Variants in SHB observed in about 807,000 individuals in gnomAD.
The protein encoded by SHB is SH2 domain containing adaptor protein B.
SHB carries 20 observed loss-of-function variants against 52.3 expected under a neutral mutation model. The ratio of observed to expected loss-of-function variants is 0.38; its 90% CI spans 0.27 to 0.56. The LOEUF is 0.56. Among genes scored for constraint, SHB ranks in the 20% least tolerant of loss-of-function variants. The pLI is 0.71. For synonymous variants in SHB, 397 were observed against 316.5 expected (o/e 1.25, Z -2.70); for missense variants, 825 against 723.3 (o/e 1.14, Z -1.61).
intron 4 of SHB, among the ~76,000 whole-genome samples, chr9:37,952,476 CAGG>C (rs917054127): frequency 1.2e-4 from 19 of 152,188 alleles, no homozygotes; most frequent in African/African-American, 3.1e-4. Flanking sequence ...TTCTTGTGCC[CAGG>C]AGGAGAAGTT....
intron 1 of SHB, among the ~76,000 whole-genome samples, chr9:38,033,564 T>C (rs192000790): frequency 1.3e-5 from 2 of 152,300 alleles, no homozygotes; most frequent in Admixed American, 1.3e-4. Flanking sequence ...AGTTGACCAA[T>C]CATTTCGGAA....
chr9:37,952,620 C>A (rs1348603674), intron 4 of SHB, among the ~76,000 whole-genome samples: 1 of 152,130 alleles, frequency 6.6e-6, no homozygotes, highest in Non-Finnish European at 1.5e-5. Flanking sequence ...GTAGTTCACA[C>A]GGCAGGTGGC....
rs149661125 is a variant in SHB at position 37,978,281 on chromosome 9, G to A, written c.839-3444C>T. 1.9e-3 allele frequency among the ~76,000 whole-genome samples: 289 copies of A among 152,316 alleles called. 1 individual carries two copies. The highest frequency in any genetic ancestry group is 6.7e-3 in the African/African-American group (277 of 41,566). ...CTCTCATGCAGGATTTATTGTTCCA[G>A]AAGCATCTGCACCTTACCAAAGCTG... On this transcript the variant is annotated intron_variant, in intron 2 of 5. Coordinates refer to ENST00000377707, the MANE Select transcript of SHB (RefSeq NM_003028.3).
intron 4 of SHB, among the ~76,000 whole-genome samples, chr9:37,954,390 G>C (rs940572389): frequency 3.6e-4 from 55 of 152,150 alleles, no homozygotes; most frequent in African/African-American, 1.3e-3. Flanking sequence ...GAAGGCTCAC[G>C]AACCATGTGT....
chr9:38,019,076 C>G (rs1402764636), intron 1 of SHB, among the ~76,000 whole-genome samples: 1 of 152,222 alleles, frequency 6.6e-6, no homozygotes, highest in Non-Finnish European at 1.5e-5. Context: ...AGAAGCTTTC[C>G]TTTTAGTCTC....
At chr9:38,048,448 G>A (rs767035377) in intron 1 of SHB, among the ~76,000 whole-genome samples, 4 of 152,148 alleles carry the variant, frequency 2.6e-5, no homozygotes, top group Non-Finnish European at 5.9e-5. Context: ...AGCCTGGGCA[G>A]CACAGTGAGA....
intron 2 of SHB, among the ~76,000 whole-genome samples, chr9:38,001,057 C>T (rs1821007306): frequency 6.6e-6 from 1 of 152,164 alleles, no homozygotes; most frequent in Non-Finnish European, 1.5e-5. Flanking sequence ...GCTTTTTGCT[C>T]TTCCTTTTTT....
At chr9:37,987,088 C>T (rs2118003521) in intron 2 of SHB, among the ~76,000 whole-genome samples, 1 of 152,370 alleles carries the variant, frequency 6.6e-6, no homozygotes, top group Non-Finnish European at 1.5e-5. Flanking sequence ...AGTGGCTTCA[C>T]CTGCAGCTCT....
At chr9:38,002,519 T>A (rs1821028022) in intron 2 of SHB, among the ~76,000 whole-genome samples, 1 of 152,024 alleles carries the variant, frequency 6.6e-6, no homozygotes, top group Admixed American at 6.5e-5. Context: ...TAAGAAGGCA[T>A]CCTAGTGACT....
At chr9:37,996,645 G>A (rs1399941244) in intron 2 of SHB, among the ~76,000 whole-genome samples, 1 of 152,188 alleles carries the variant, frequency 6.6e-6, no homozygotes, top group East Asian at 1.9e-4. Flanking sequence ...CAAGGTTGGA[G>A]CCTGCTGGTC....
chr9:37,951,939 T>C (rs1046891548), intron 4 of SHB, among the ~76,000 whole-genome samples: 1 of 152,186 alleles, frequency 6.6e-6, no homozygotes, highest in African/African-American at 2.4e-5. Flanking sequence ...CACGTAGGCC[T>C]TGCTTCACCT....
rs1303143237 is a variant in SHB, at chr9:37,919,499, T to G, written c.*322A>C. 6.5e-6 allele frequency: 1 copy of G among 154,154 alleles called. No homozygotes were observed. The highest frequency in any genetic ancestry group is 2.8e-5 in the African/African-American group (1 of 36,048). 9.5% of individuals were successfully genotyped at this position (154,154 alleles called of 1,614,324 possible). A position where few individuals can be genotyped will look rare whatever the true frequency, so the allele number is the denominator to read the frequency against. On this transcript the variant is annotated 3_prime_UTR_variant, in exon 6 of 6. Coordinates refer to ENST00000377707, the MANE Select transcript of SHB (RefSeq NM_003028.3). ...CAGCCAGGGAGCTCCCGCCCCACCC[T>G]ACCCCGCCCCTCGGAGCTGGTCTGC...
rs1381221241 is a variant in SHB, at chr9:38,068,161, T to G, written c.485A>C (p.Tyr162Ser). 9 of 1,442,330 alleles carry G rather than the reference T, an allele frequency of 6.2e-6. No individual in the cohort carries two copies. In the East Asian group the frequency reaches 2.6e-4, roughly 42 times the overall value. 89.3% of individuals were successfully genotyped at this position (1,442,330 alleles called of 1,614,324 possible). Residue 162 changes from tyrosine to serine, a missense_variant, in exon 1 of 6, where the codon TAC becomes TCC. Transcript: ENST00000377707. ...SSSSSGSPHL[Y>S]RSSSERRPAT... Reference sequence around the variant, plus strand: ...GGGCCGCCGCTCGCTGCTGCTGCGGTAGAGATGCGGAGAGCCGGAGGACGA... The same window carrying G: ...GGGCCGCCGCTCGCTGCTGCTGCGGGAGAGATGCGGAGAGCCGGAGGACGA...
chr9:38,034,854 G>T (rs1228665295), intron 1 of SHB, among the ~76,000 whole-genome samples: 2 of 152,172 alleles, frequency 1.3e-5, no homozygotes, highest in Non-Finnish European at 2.9e-5. Flanking sequence ...GCACCACCAT[G>T]CCTGGCTATT....
chr9:38,025,950 T>C (rs993111928), intron 1 of SHB, among the ~76,000 whole-genome samples: 4 of 152,206 alleles, frequency 2.6e-5, no homozygotes, highest in African/African-American at 9.7e-5. Context: ...ATGTCATCTG[T>C]TGAACTACAT....
At chr9:37,971,693 AC>A (rs1238237980) in intron 3 of SHB, among the ~76,000 whole-genome samples, 2 of 152,074 alleles carry the variant, frequency 1.3e-5, no homozygotes, top group Non-Finnish European at 2.9e-5. Context: ...CAGCCCAATA[AC>A]TCAGACTGAC....
rs1419036552 is a variant in SHB, at chr9:37,916,342, C to T, written c.*3479G>A. ...TCTGCTGGCAGGGCTTCTACCTGCA[C>T]AGTCCCTAGGGCTGCAAGAGCAAAT... On this transcript the variant is annotated 3_prime_UTR_variant, in exon 6 of 6. Transcript: ENST00000377707. 6.6e-6 allele frequency among the ~76,000 whole-genome samples: 1 copy of T among 152,314 alleles called. No individual in the cohort carries two copies. Among genetic ancestry groups the T allele is most frequent in the African/African-American group, 2.4e-5 (1 of 41,546 alleles).
At chr9:38,064,007 G>C (rs2118199687) in intron 1 of SHB, among the ~76,000 whole-genome samples, 1 of 151,910 alleles carries the variant, frequency 6.6e-6, no homozygotes, top group East Asian at 1.9e-4. Context: ...AAAGAAACAA[G>C]ACTTCAGCAG....
At chr9:38,020,765 T>C (rs1013992314) in intron 1 of SHB, among the ~76,000 whole-genome samples, 4 of 152,230 alleles carry the variant, frequency 2.6e-5, no homozygotes, top group Middle Eastern at 3.4e-3. Flanking sequence ...AAATAAAAAT[T>C]TAAATAAATT....
Sources: gnomAD v4.1 joint callset for allele counts (sites outside exome capture counted in the v4.1 genomes callset) on GRCh38, gnomAD v4.1.1 for gene constraint, MANE v1.5 for transcripts, NCBI Gene and HGNC (gene_info 2026-07-23, HGNC 2026-07-21) for gene names.